Variants in FANCM observed in about 807,000 individuals in gnomAD.
FANCM encodes the protein FA complementation group M.
FANCM carries 140 observed loss-of-function variants against 199.5 expected under a neutral mutation model. The observed-to-expected ratio is 0.70, with a 90% confidence interval of 0.61 to 0.81. The LOEUF (loss-of-function observed/expected upper bound fraction) is 0.81, where lower values mean the gene tolerates loss of function less well. Ranked by LOEUF, FANCM falls within the 30% of genes least tolerant of loss-of-function variation. The pLI, the probability that FANCM is intolerant of heterozygous loss-of-function variation, is 0.00. For missense variants in FANCM, 2,410 were observed against 2,421.4 expected (o/e 1.00, Z 0.10); for synonymous variants, 840 against 836.8 (o/e 1.00, Z -0.07).
intron 17 of FANCM, among the ~76,000 whole-genome samples, chr14:45,184,343 C>G (rs1334527558): frequency 6.6e-6 from 1 of 152,072 alleles, no homozygotes; most frequent in African/African-American, 2.4e-5. Flanking sequence ...GCTGGAAAGA[C>G]TCAGGAAATT....
In FANCM at chr14:45,175,432, A is replaced by C; in HGVS notation, c.2678A>C (p.Asp893Ala). The C allele has an allele frequency of 6.3e-7, 1 of 1,589,880 alleles. No homozygotes were observed. The highest frequency in any genetic ancestry group is 8.6e-7 in the Non-Finnish European group (1 of 1,169,062). The change falls in exon 14 of 23, where the codon GAC (aspartate) becomes GCC (alanine). Residue 893 changes from aspartate to alanine, a missense_variant. By Grantham distance (126) the Asp-to-Ala change is moderately radical. Transcript: ENST00000267430. ...NSTVENIFQE[D>A]LPNDKRTSDT... ...ACTGTTGAAAATATTTTTCAAGAAG[A>C]CCTACCAAATGATAAAAGGACATCA...
chr14:45,148,200 A>AAAACACAC (rs376352737), intron 3 of FANCM, among the ~76,000 whole-genome samples: 3 of 142,354 alleles, frequency 2.1e-5, no homozygotes, highest in African/African-American at 7.8e-5. Context: ...CCGTCTCAAA[A>AAAACACAC]ACACACACAC....
rs764649969 is a variant in FANCM, at chr14:45,155,359, T to C, written c.1310-14T>C. ...AAAACAGAAAAAAATTTTGATATTTTTGTTTTGTTCCAGGAGATAAAAATA... is the reference window on the plus strand; with the variant it reads ...AAAACAGAAAAAAATTTTGATATTTCTGTTTTGTTCCAGGAGATAAAAATA... On this transcript the variant is annotated splice_polypyrimidine_tract_variant and intron_variant, in intron 7 of 22. Coordinates refer to ENST00000267430, the MANE Select transcript of FANCM (RefSeq NM_020937.4). The C allele has an allele frequency of 4.4e-6, 5 of 1,130,148 alleles. No individual in the cohort carries two copies. The highest frequency in any genetic ancestry group is 6.7e-6 in the Non-Finnish European group (5 of 746,954). 70.0% of individuals were successfully genotyped at this position (1,130,148 alleles called of 1,614,324 possible).
intron 12 of FANCM, 62 bp from the exon 13 acceptor site, chr14:45,172,993 A>T: frequency 1.6e-6 from 2 of 1,290,112 alleles, no homozygotes; most frequent in South Asian, 1.2e-5. Context: ...AGTGTTTTTT[A>T]AAATTAGTTT....
intron 17 of FANCM, 99 bp downstream of exon 17, chr14:45,184,001 G>T: frequency 1.1e-6 from 1 of 877,096 alleles, no homozygotes; most frequent in Non-Finnish European, 1.7e-6. Context: ...TCTCTTTATA[G>T]AAAAAAATTA....
At chr14:45,180,523 T>A (rs1378399027) in intron 14 of FANCM, among the ~76,000 whole-genome samples, 1 of 151,926 alleles carries the variant, frequency 6.6e-6, no homozygotes, top group Non-Finnish European at 1.5e-5. Context: ...CACGACTCAC[T>A]GCCACCTCTG....
chr14:45,183,735 A>T lies in FANCM; in HGVS notation c.4387-39A>T, dbSNP rs145077997. 4,039 of 1,506,350 alleles carry T rather than the reference A, an allele frequency of 2.7e-3. 118 individuals are homozygous for T. The East Asian group carries it at 0.065, about 24-fold the overall frequency. The allele number at this position is 1,506,350 out of a possible 1,614,324, so 93.3% of individuals were successfully genotyped here. On this transcript the variant is annotated intron_variant, in intron 16 of 22. Transcript: ENST00000267430. ...AATTTTACTTGTCTAGGAAGAAAAT[A>T]TTTTTTTCTTATGCAAGAATTTTGT... is the stretch of plus-strand genomic sequence containing the variant.
intron 9 of FANCM, among the ~76,000 whole-genome samples, chr14:45,162,684 T>A (rs1887688190): frequency 2.0e-5 from 3 of 152,166 alleles, no homozygotes; most frequent in African/African-American, 7.2e-5. Flanking sequence ...GGATAAACAA[T>A]TGAATATATG....
At chr14:45,147,926 G>T (rs921052425) in intron 3 of FANCM, among the ~76,000 whole-genome samples, 7 of 142,308 alleles carry the variant, frequency 4.9e-5, no homozygotes, top group Non-Finnish European at 7.6e-5. Context: ...AGCCGGGCGT[G>T]ATGCCTCACA....
At chr14:45,156,996 A>G (rs1887244095) in intron 8 of FANCM, among the ~76,000 whole-genome samples, 1 of 151,892 alleles carries the variant, frequency 6.6e-6, no homozygotes, top group Non-Finnish European at 1.5e-5. Context: ...TTTGCAAATG[A>G]TTACATGAGC....
chr14:45,165,958 C>A (rs552583075), intron 10 of FANCM, among the ~76,000 whole-genome samples: 1 of 152,030 alleles, frequency 6.6e-6, no homozygotes, highest in African/African-American at 2.4e-5. Flanking sequence ...TGTAGAAAAA[C>A]GAACAAACTG....
rs189723011 is a variant in FANCM at position 45,175,986 on chromosome 14, C to T, written c.3232C>T (p.Pro1078Ser). 7.4e-6 allele frequency: 12 copies of T among 1,613,546 alleles called. No homozygotes were observed. The African/African-American group carries it at 1.3e-4, about 18-fold the overall frequency. Reference protein sequence around the residue: ...DIPNDNISDEPSLCDCDVHKH... With the variant: ...DIPNDNISDESSLCDCDVHKH... Reference sequence around the variant, plus strand: ...ACCTAATGATAATATTTCTGATGAGCCAAGTCTCTGTGACTGTGATGTACA... The same window carrying T: ...ACCTAATGATAATATTTCTGATGAGTCAAGTCTCTGTGACTGTGATGTACA... The change falls in exon 14 of 23, where the codon CCA becomes TCA. Residue 1078 changes from proline (P) to serine (S), a missense_variant. Coordinates refer to ENST00000267430, the MANE Select transcript of FANCM (RefSeq NM_020937.4).
At chr14:45,193,292 A>C (rs1393904766) in intron 20 of FANCM, among the ~76,000 whole-genome samples, 3 of 152,196 alleles carry the variant, frequency 2.0e-5, no homozygotes, top group Non-Finnish European at 4.4e-5. Context: ...GATCACTGAG[A>C]AATTCCTACC....
chr14:45,160,321 T>C (rs890484921), intron 9 of FANCM, among the ~76,000 whole-genome samples: 7 of 149,146 alleles, frequency 4.7e-5, no homozygotes, highest in Non-Finnish European at 1.0e-4. Context: ...TTCTTTTCTT[T>C]TTTTTTTTTT....
intron 2 of FANCM, among the ~76,000 whole-genome samples, chr14:45,140,172 C>T (rs1326067269): frequency 6.6e-6 from 1 of 152,150 alleles, no homozygotes; most frequent in African/African-American, 2.4e-5. Context: ...GTGGCCCAGA[C>T]AATGGAAACT....
chr14:45,141,314 CA>C (rs1396587578), intron 3 of FANCM, among the ~76,000 whole-genome samples: 2 of 145,788 alleles, frequency 1.4e-5, no homozygotes, highest in African/African-American at 5.1e-5. Flanking sequence ...AAAAAGAAAG[CA>C]AAAAACAAAA....
intron 20 of FANCM, among the ~76,000 whole-genome samples, chr14:45,191,857 TTG>T (rs1211606197): frequency 6.6e-6 from 1 of 152,136 alleles, no homozygotes; most frequent in Non-Finnish European, 1.5e-5. Context: ...CTTTTTTGTT[TTG>T]TGTTTAGTGT....
intron 11 of FANCM, among the ~76,000 whole-genome samples, chr14:45,168,440 T>G (rs999784040): frequency 2.0e-5 from 3 of 151,868 alleles, no homozygotes; most frequent in Non-Finnish European, 2.9e-5. Context: ...TTTTTTATAG[T>G]TGCTAATTAA....
At chr14:45,146,331 C>T (rs76372110) in intron 3 of FANCM, among the ~76,000 whole-genome samples, 1 of 151,416 alleles carries the variant, frequency 6.6e-6, no homozygotes, top group Non-Finnish European at 1.5e-5. Context: ...TGATTGCTCA[C>T]TTGATTTTTG....
Sources: allele counts gnomAD v4.1 joint callset (sites outside exome capture counted in the v4.1 genomes callset), GRCh38; gene constraint gnomAD v4.1.1; transcripts MANE v1.5; gene names NCBI Gene and HGNC (gene_info 2026-07-23, HGNC 2026-07-21).